CCN5: variants seen among roughly 807,000 people sequenced by gnomAD.
The protein encoded by CCN5 is CCN family member 5.
A neutral mutation model predicts 18.7 loss-of-function variants in CCN5; 17 were observed. That is an observed-to-expected ratio of 0.91 (90% CI 0.62 to 1.36). CCN5 has a LOEUF of 1.36. CCN5 is among the 40% of genes most tolerant of loss of function. The probability of loss-of-function intolerance (pLI) is 0.00; values close to 1 mark genes in which losing one functional copy is unlikely to be tolerated. For missense variants in CCN5, 367 were observed against 342.9 expected (o/e 1.07, Z -0.56); for synonymous variants, 135 against 145.2 (o/e 0.93, Z 0.50).
Position 44,727,301 on chromosome 20 carries a change from C to T in CCN5, c.747C>T (p.Ala249=). ...GGGGTCGCAGTCCACAAAACAGTGC[C>T]TTCTAGAGCCGGGCTGGGAATGGGG... is the stretch of plus-strand genomic sequence containing the variant. ...PSRGRSPQNS[A]F The change falls in exon 4 of 4, where the codon GCC becomes GCT. Residue 249 remains alanine (A), a synonymous_variant. Coordinates refer to ENST00000190983, the MANE Select transcript of CCN5 (RefSeq NM_003881.4). The T allele has an allele frequency of 6.2e-7, 1 of 1,607,512 alleles. No homozygotes were observed.
intron 1 of CCN5, among the ~76,000 whole-genome samples, chr20:44,717,175 C>T (rs959015461): frequency 7.2e-5 from 11 of 152,266 alleles, no homozygotes; most frequent in South Asian, 2.1e-4. Context: ...TGTTACTACA[C>T]GGTTTGAGCT....
chr20:44,715,801 G>A (rs952074523), intron 1 of CCN5, among the ~76,000 whole-genome samples: 65 of 152,304 alleles, frequency 4.3e-4, no homozygotes, highest in African/African-American at 1.5e-3. Flanking sequence ...ATGAATGGGG[G>A]CACTCAAGAC....
chr20:44,719,965 A>G lies in CCN5; in HGVS notation c.129A>G (p.Val43=), dbSNP rs1435742128. The G allele has an allele frequency of 6.2e-7, 1 of 1,613,716 alleles. No homozygotes were observed. Among genetic ancestry groups the G allele is most frequent in the Non-Finnish European group, 8.5e-7 (1 of 1,179,906 alleles). The change falls in exon 2 of 4, where the codon GTA becomes GTG. Residue 43 remains valine, a synonymous_variant. Transcript: ENST00000190983. ...PWPPPRCPLG[V]PLVLDGCGCC... Reference sequence around the variant, plus strand: ...CACCTCCCCGATGCCCGCTGGGAGTACCCCTGGTGCTGGATGGCTGTGGCT... The same window carrying G: ...CACCTCCCCGATGCCCGCTGGGAGTGCCCCTGGTGCTGGATGGCTGTGGCT...
rs1408308227 is a variant in CCN5 at position 44,727,239 on chromosome 20, C to T, written c.685C>T (p.Arg229Cys). 13 of 1,613,630 alleles carry T rather than the reference C, an allele frequency of 8.1e-6. No individual in the cohort carries two copies. Among genetic ancestry groups the T allele is most frequent in the Middle Eastern group, 3.3e-4 (2 of 6,058 alleles). ...CCGCTTCTGCCGACTGGAGACCCAG[C>T]GCCGCCTGTGCCTGTCCAGGCCCTG... ...QNRFCRLETQ[R>C]RLCLSRPCPP... The change falls in exon 4 of 4, where the codon CGC becomes TGC. Residue 229 changes from arginine to cysteine, a missense_variant. Coordinates refer to ENST00000190983, the MANE Select transcript of CCN5 (RefSeq NM_003881.4).
rs1179791117 is a variant in CCN5 at position 44,715,397 on chromosome 20, G to C, written c.7G>C (p.Gly3Arg). The C allele has an allele frequency of 6.2e-7, 1 of 1,602,874 alleles. No homozygotes were observed. Among genetic ancestry groups the C allele is most frequent in the Non-Finnish European group, 8.5e-7 (1 of 1,175,156 alleles). Residue 3 changes from glycine (G) to arginine (R), a missense_variant, in exon 1 of 4, where the codon GGC becomes CGC. Physicochemically the swap from Gly to Arg is moderately radical, Grantham distance 125. Coordinates refer to ENST00000190983, the MANE Select transcript of CCN5 (RefSeq NM_003881.4). ...AGCTGGCTCTGCAGGGGACATGAGAGGCACACCGAAGACCCACCTCCTGGC... is the reference window on the plus strand; with the variant it reads ...AGCTGGCTCTGCAGGGGACATGAGACGCACACCGAAGACCCACCTCCTGGC... The part of the protein sequence containing the change: MR[G>R]TPKTHLLAFS...
chr20:44,717,302 C>T (rs2065866056), intron 1 of CCN5, among the ~76,000 whole-genome samples: 1 of 152,148 alleles, frequency 6.6e-6, no homozygotes, highest in Admixed American at 6.6e-5. Context: ...TAATTGTACA[C>T]TAGAATAGTT....
At chr20:44,725,079 G>A (rs1382522706) in intron 3 of CCN5, 87 bp downstream of exon 3, 3 of 1,427,454 alleles carry the variant, frequency 2.1e-6, no homozygotes, top group Non-Finnish European at 2.7e-6. Context: ...GCGGCTTCCT[G>A]GGTACCAGGA....
chr20:44,725,953 T>G (rs2065933535), intron 3 of CCN5, among the ~76,000 whole-genome samples: 1 of 152,234 alleles, frequency 6.6e-6, no homozygotes, highest in South Asian at 2.1e-4. Context: ...TAAATGCTGC[T>G]GCCACCCACA....
At chr20:44,715,294 C>T (rs1040097082), upstream of CCN5, 49 of 1,080,144 alleles carry the variant, frequency 4.5e-5, 1 homozygote, top group Admixed American at 8.1e-5. Context: ...TGTACTCGTG[C>T]GTGTGCCTGT....
intron 1 of CCN5, among the ~76,000 whole-genome samples, chr20:44,719,433 T>C (rs952077144): frequency 2.0e-5 from 3 of 152,130 alleles, no homozygotes; most frequent in African/African-American, 4.8e-5. Flanking sequence ...GGCGGGCGGA[T>C]TGCCTGAGCT....
At chr20:44,718,956 C>T (rs986564615) in intron 1 of CCN5, among the ~76,000 whole-genome samples, 5 of 152,198 alleles carry the variant, frequency 3.3e-5, no homozygotes, top group African/African-American at 1.2e-4. Context: ...TCCCAAGTCT[C>T]CTGGCTGATG....
chr20:44,715,577 G>T, intron 1 of CCN5, 127 bp downstream of exon 1: 3 of 1,020,310 alleles, frequency 2.9e-6, no homozygotes, highest in Non-Finnish European at 4.3e-6. Flanking sequence ...GCACAGTCTG[G>T]CCCCCATGCC....
intron 2 of CCN5, chr20:44,721,332 T>C (rs1221758283): frequency 7.4e-5 from 9 of 122,144 alleles, no homozygotes. Context: ...CATAGTAAGA[T>C]CCTCTCTCTA....
At chr20:44,724,060 A>G (rs2065918395) in intron 2 of CCN5, 1 of 152,170 alleles carries the variant, frequency 6.6e-6, no homozygotes, top group Non-Finnish European at 1.5e-5. Context: ...TTCCCTGAGC[A>G]CCTAGGCCAT....
intron 2 of CCN5, chr20:44,720,864 T>C (rs1484465857): frequency 6.6e-6 from 1 of 152,150 alleles, no homozygotes; most frequent in African/African-American, 2.4e-5. Flanking sequence ...GAGAATTAGT[T>C]GTTGTGGGAG....
chr20:44,727,196 C>G lies in CCN5; in HGVS notation c.642C>G (p.Thr214=), dbSNP rs750856189. Reference sequence around the variant, plus strand: ...CCACCTGTGGGCTGGGCATGGCCACCCGGGTGTCCAACCAGAACCGCTTCT... The same window carrying G: ...CCACCTGTGGGCTGGGCATGGCCACGCGGGTGTCCAACCAGAACCGCTTCT... The part of the protein sequence containing the change: ...CSTTCGLGMA[T]RVSNQNRFCR... Residue 214 remains threonine, a synonymous_variant, in exon 4 of 4, where the codon ACC becomes ACG. Coordinates refer to ENST00000190983, the MANE Select transcript of CCN5 (RefSeq NM_003881.4). 7 of 1,613,764 alleles carry G rather than the reference C, an allele frequency of 4.3e-6. No homozygotes were observed. The African/African-American group carries it at 6.7e-5, about 15-fold the overall frequency.
At position 44,727,310 on chromosome 20, in the gene CCN5, C is replaced by T. The variant is rs555256302; in HGVS notation, c.*3C>T. 7.5e-6 allele frequency: 12 copies of T among 1,604,286 alleles called. No homozygotes were observed. The highest frequency in any genetic ancestry group is 1.7e-4 in the Middle Eastern group (1 of 5,996). On this transcript the variant is annotated 3_prime_UTR_variant, in exon 4 of 4. Transcript: ENST00000190983. ...GTCCACAAAACAGTGCCTTCTAGAG[C>T]CGGGCTGGGAATGGGGACACGGTGT...
chr20:44,715,288 C>A, upstream of CCN5: 2 of 954,970 alleles, frequency 2.1e-6, no homozygotes, highest in African/African-American at 3.4e-5. Flanking sequence ...CGCGTGTGTA[C>A]TCGTGCGTGT....
At position 44,719,895 on chromosome 20, in the gene CCN5, A is replaced by C. The variant is rs776706074; in HGVS notation, c.61-2A>C. On this transcript the variant is annotated splice_acceptor_variant, in intron 1 of 3. Transcript: ENST00000190983. LOFTEE classifies it high-confidence loss of function. Reference sequence around the variant, plus strand: ...GGCTGAGTGAGGTCTCTGTCTCTTCAGGTGCGTACCCAGCTGTGCCCGACA... The same window carrying C: ...GGCTGAGTGAGGTCTCTGTCTCTTCCGGTGCGTACCCAGCTGTGCCCGACA... 6.2e-7 allele frequency: 1 copy of C among 1,611,544 alleles called. No homozygotes were observed. The highest frequency in any genetic ancestry group is 1.1e-5 in the South Asian group (1 of 90,664).
Sources: gnomAD v4.1 joint callset for allele counts (sites outside exome capture counted in the v4.1 genomes callset) on GRCh38, gnomAD v4.1.1 for gene constraint, MANE v1.5 for transcripts, NCBI Gene and HGNC (gene_info 2026-07-23, HGNC 2026-07-21) for gene names.